Variants in HSPG2 observed in about 807,000 individuals in gnomAD.
The protein encoded by HSPG2 is heparan sulfate proteoglycan 2.
HSPG2 carries 278 observed loss-of-function variants against 526.6 expected under a neutral mutation model. The ratio of observed to expected loss-of-function variants is 0.53; its 90% CI spans 0.48 to 0.58. HSPG2 has a LOEUF of 0.58. Ranked by LOEUF, HSPG2 falls within the 20% of genes least tolerant of loss-of-function variation. The probability of loss-of-function intolerance (pLI) is 0.00; values close to 1 mark genes in which losing one functional copy is unlikely to be tolerated. For missense variants in HSPG2, 5,354 were observed against 6,099.5 expected, an observed-to-expected ratio of 0.88 and a Z score of 4.07; for synonymous variants, 2,465 against 2,555.4, an observed-to-expected ratio of 0.96 and a Z score of 1.07.
At chr1:21,878,967 C>A (rs572855572) in intron 18 of HSPG2, 27 bp downstream of exon 18, 467 of 1,608,954 alleles carry the variant, frequency 2.9e-4, no homozygotes, top group Admixed American at 5.5e-4. Context: ...CCAGCCAAAC[C>A]CCCCCTGACC....
At position 21,852,498 on chromosome 1, in the gene HSPG2, C is replaced by T. The variant is rs35337242; in HGVS notation, c.6724+202G>A. The stretch of plus-strand genomic sequence containing the variant: ...GAGAGGAAGAGGAGGTGGGAGGGGA[C>T]GCCTGAGGAGTCATGTGGCCAAAGC... On this transcript the variant is annotated intron_variant, in intron 52 of 96. Coordinates refer to ENST00000374695, the MANE Select transcript of HSPG2 (RefSeq NM_005529.7). Among the ~76,000 whole-genome samples the T allele has an allele frequency of 0.041, 6,173 of 152,276 alleles. 179 individuals carry two copies. The highest frequency in any genetic ancestry group is 0.11 in the South Asian group (511 of 4,828).
chr1:21,872,793 G>A lies in HSPG2; in HGVS notation c.3889-33C>T. ...GACGGATGGAAGGAGGCAGGCAGGG[G>A]ACTCAGTGGGTCTCCTGCACCCCCA... On this transcript the variant is annotated intron_variant, in intron 31 of 96. Transcript: ENST00000374695. This position sits in a 1 kb window ranked among gnomAD's most constrained non-coding sequence, Gnocchi z 5.5. The A allele has an allele frequency of 6.2e-7, 1 of 1,601,690 alleles. No individual in the cohort carries two copies. Among genetic ancestry groups the A allele is most frequent in the Non-Finnish European group, 8.5e-7 (1 of 1,175,148 alleles).
intron 75 of HSPG2, 26 bp downstream of exon 75, chr1:21,836,776 C>G: frequency 2.6e-6 from 4 of 1,533,830 alleles, no homozygotes; most frequent in Non-Finnish European, 3.5e-6. Flanking sequence ...CTGCCCAAGT[C>G]CAGTCCTGCC....
chr1:21,828,165 G>A lies in HSPG2; in HGVS notation c.12410-13C>T, dbSNP rs1257308812. ...TCACACAGGTCTCCTGTGGGCCAGG[G>A]CAGAGGCGAGTGGGTGGGTGGGCAT... On this transcript the variant is annotated splice_polypyrimidine_tract_variant and intron_variant, in intron 89 of 96. Transcript: ENST00000374695. This position sits in a 1 kb window ranked among gnomAD's most constrained non-coding sequence, Gnocchi z 6.0. The A allele has an allele frequency of 6.4e-7, 1 of 1,555,200 alleles. No homozygotes were observed.
chr1:21,828,341 C>T lies in HSPG2; in HGVS notation c.12323G>A (p.Cys4108Tyr). The T allele has an allele frequency of 6.2e-7, 1 of 1,613,788 alleles. No individual in the cohort carries two copies. The highest frequency in any genetic ancestry group is 8.5e-7 in the Non-Finnish European group (1 of 1,180,020). The change falls in exon 89 of 97, where the codon TGT becomes TAT. Residue 4108 changes from cysteine (C) to tyrosine (Y), a missense_variant. Physicochemically the swap from Cys to Tyr is radical, Grantham distance 194. Transcript: ENST00000374695. The surrounding 1 kb of genome is among the most constrained non-coding windows in gnomAD (Gnocchi z 6.0). ...GIGQCYDSSP[C>Y]ERQPCQHGAT... ...ACCATGTTGGCAAGGCTGGCGCTCA[C>T]ATGGGGAGCTATCATAGCATTGCCC...
chr1:21,855,668 G>A lies in HSPG2; in HGVS notation c.5709C>T (p.Pro1903=), dbSNP rs1332000940. The part of the protein sequence containing the change: ...PTPTLEWTGG[P]GGQLPAKAQI... ...GTGCCTTCGCAGGGAGCTGGCCGCC[G>A]GGGCCCCCTGACGAGTAGACGTGGG... Residue 1903 remains proline (P), a synonymous_variant, in exon 46 of 97, where the codon CCC becomes CCT. Transcript: ENST00000374695. The A allele has an allele frequency of 1.0e-5, 16 of 1,575,294 alleles. No homozygotes were observed. The highest frequency in any genetic ancestry group is 3.4e-5 in the South Asian group (3 of 87,142).
intron 74 of HSPG2, among the ~76,000 whole-genome samples, chr1:21,838,437 C>T (rs1003100608): frequency 5.2e-4 from 79 of 152,256 alleles, no homozygotes; most frequent in African/African-American, 1.9e-3. Context: ...CCCTGTCAAG[C>T]ATTTACCCAG....
intron 1 of HSPG2, among the ~76,000 whole-genome samples, chr1:21,900,980 G>T (rs752737397): frequency 2.3e-4 from 35 of 152,142 alleles, no homozygotes; most frequent in Admixed American, 5.9e-4. Context: ...AGAGGGAAGA[G>T]TCCTGTGTTT....
intron 62 of HSPG2, 109 bp from the exon 63 acceptor site, chr1:21,846,708 G>C: frequency 7.8e-7 from 1 of 1,278,518 alleles, no homozygotes; most frequent in Non-Finnish European, 1.1e-6. Context: ...AACACTAATA[G>C]TTAACACTTG....
chr1:21,828,385 G>T lies in HSPG2; in HGVS notation c.12279C>A (p.Phe4093Leu). The change falls in exon 89 of 97, where the codon TTC becomes TTA. Residue 4093 changes from phenylalanine to leucine, a missense_variant. Phe to Leu is a conservative substitution (Grantham distance 22). Coordinates refer to ENST00000374695, the MANE Select transcript of HSPG2 (RefSeq NM_005529.7). This position sits in a 1 kb window ranked among gnomAD's most constrained non-coding sequence, Gnocchi z 6.0. ...NGKRLDLTYS[F>L]LGSQGIGQCY... is the part of the protein sequence containing the mutation. ...ATTGCCCGATGCCCTGGCTGCCTAG[G>T]AAACTGTAGGTGAGGTCCAGCCGTT... The T allele has an allele frequency of 6.2e-7, 1 of 1,613,782 alleles. No individual in the cohort carries two copies. Among genetic ancestry groups the T allele is most frequent in the Non-Finnish European group, 8.5e-7 (1 of 1,180,014 alleles).
At chr1:21,921,841 G>A (rs1644047005) in intron 1 of HSPG2, among the ~76,000 whole-genome samples, 1 of 152,172 alleles carries the variant, frequency 6.6e-6, no homozygotes, top group African/African-American at 2.4e-5. Context: ...CTATCCCTAG[G>A]GAAGGTCCCT....
At chr1:21,833,193 T>C (rs1390120888) in intron 80 of HSPG2, 75 bp downstream of exon 80, 10 of 1,233,056 alleles carry the variant, frequency 8.1e-6, no homozygotes, top group Non-Finnish European at 1.2e-5. Flanking sequence ...CCAGGGCTCC[T>C]GCCATGATGG....
Position 21,905,261 on chromosome 1 carries a change from CCACACA to C in HSPG2, c.64-8957_64-8952del, listed in dbSNP as rs112940334. Among the ~76,000 whole-genome samples the C allele has an allele frequency of 2.3e-3, 338 of 146,166 alleles. 2 individuals are homozygous for C. The highest frequency in any genetic ancestry group is 8.3e-3 in the African/African-American group (320 of 38,762). On this transcript the variant is annotated intron_variant, in intron 1 of 96. Coordinates refer to ENST00000374695, the MANE Select transcript of HSPG2 (RefSeq NM_005529.7). Reference sequence around the variant, plus strand: ...TACACACACACCCACCCACACACACCCACACACACACACACACACGCCACGCTCCAA... The same window carrying C: ...TACACACACACCCACCCACACACACCCACACACACACACGCCACGCTCCAA...
chr1:21,917,015 G>A (rs1643901869), intron 1 of HSPG2, among the ~76,000 whole-genome samples: 1 of 152,216 alleles, frequency 6.6e-6, no homozygotes, highest in Admixed American at 6.5e-5. Context: ...AGGCTGCCTC[G>A]TTAATCAAGA....
At chr1:21,935,439 CT>C (rs1360562405) in intron 1 of HSPG2, among the ~76,000 whole-genome samples, 9 of 152,346 alleles carry the variant, frequency 5.9e-5, no homozygotes, top group African/African-American at 2.2e-4. Context: ...ACCCCAGCCC[CT>C]AGCACCACAC....
chr1:21,890,541 T>A lies in HSPG2; in HGVS notation c.354+44A>T. ...GAGGCCTTCACCCCATCCTCGGTCC[T>A]GCCCCGCCACACCCGCGAGCTTCCC... On this transcript the variant is annotated intron_variant, in intron 4 of 96. Coordinates refer to ENST00000374695, the MANE Select transcript of HSPG2 (RefSeq NM_005529.7). The surrounding 1 kb of genome is among the most constrained non-coding windows in gnomAD (Gnocchi z 4.1). 1.2e-6 allele frequency: 2 copies of A among 1,609,410 alleles called. No individual in the cohort carries two copies. Among genetic ancestry groups the A allele is most frequent in the Non-Finnish European group, 8.5e-7 (1 of 1,176,030 alleles).
At chr1:21,834,301 C>G (rs2098017405) in intron 77 of HSPG2, among the ~76,000 whole-genome samples, 1 of 152,230 alleles carries the variant, frequency 6.6e-6, no homozygotes, top group African/African-American at 2.4e-5. Flanking sequence ...GTGTTTGTGT[C>G]TGCCCTGCAT....
chr1:21,859,020 G>A lies in HSPG2; in HGVS notation c.5293+546C>T, dbSNP rs537088887. Among the ~76,000 whole-genome samples the A allele has an allele frequency of 4.0e-5, 6 of 151,800 alleles. No homozygotes were observed. Among genetic ancestry groups the A allele is most frequent in the East Asian group, 3.9e-4 (2 of 5,152 alleles). On this transcript the variant is annotated intron_variant, in intron 42 of 96. Transcript: ENST00000374695. The surrounding 1 kb of genome is among the most constrained non-coding windows in gnomAD (Gnocchi z 5.3). Reference sequence around the variant, plus strand: ...ATCCCTGTCTCACTTTTCCCTGGACGACAGGGCAGGGTGACTCTGAGGTGC... The same window carrying A: ...ATCCCTGTCTCACTTTTCCCTGGACAACAGGGCAGGGTGACTCTGAGGTGC...
Position 21,850,062 on chromosome 1 carries a change from G to GC in HSPG2, c.7424dup (p.Ser2476GlnfsTer22), listed in dbSNP as rs1386322244. The GC allele has an allele frequency of 6.2e-7, 1 of 1,613,378 alleles. No individual in the cohort carries two copies. Among genetic ancestry groups the GC allele is most frequent in the Non-Finnish European group, 8.5e-7 (1 of 1,180,010 alleles). On this transcript the variant is annotated frameshift_variant, in exon 57 of 97. Coordinates refer to ENST00000374695, the MANE Select transcript of HSPG2 (RefSeq NM_005529.7). LOFTEE classifies it high-confidence loss of function. ...CTACCTGGTGCCGGGCCGGGAGGCT[G>GC]CCCCCGCGCTTGTGCCACGTGACCT...
Sources: gnomAD v4.1 joint callset for allele counts (sites outside exome capture counted in the v4.1 genomes callset) on GRCh38, gnomAD v4.1.1 for gene constraint, Gnocchi (gnomAD v3.1) non-coding constraint, MANE v1.5 for transcripts, NCBI Gene and HGNC (gene_info 2026-07-23, HGNC 2026-07-21) for gene names.